Variants in NCK2 observed in about 807,000 individuals in gnomAD.
The protein encoded by NCK2 is NCK adaptor protein 2.
NCK2 carries 16 observed loss-of-function variants against 33.9 expected under a neutral mutation model. The ratio of observed to expected loss-of-function variants is 0.47; its 90% confidence interval spans 0.32 to 0.72. NCK2 has a LOEUF of 0.72. Among genes scored for constraint, NCK2 ranks in the 30% least tolerant of loss-of-function variants. The pLI is 0.03. For synonymous variants in NCK2, 273 were observed against 239.9 expected, an observed-to-expected ratio of 1.14 and a Z score of -1.27; for missense variants, 418 against 537.3, an observed-to-expected ratio of 0.78 and a Z score of 2.19.
intron 4 of NCK2, among the ~76,000 whole-genome samples, chr2:105,891,418 CTAAT>C (rs1329581304): frequency 1.3e-5 from 2 of 151,552 alleles, no homozygotes; most frequent in African/African-American, 2.4e-5. Context: ...GTGTTAGTAA[CTAAT>C]TGTTATTCAT....
At chr2:105,843,175 G>A (rs1024017368) in intron 2 of NCK2, among the ~76,000 whole-genome samples, 4 of 151,996 alleles carry the variant, frequency 2.6e-5, no homozygotes, top group African/African-American at 7.3e-5. Flanking sequence ...AAGTCTAAAT[G>A]CTAAATTTAT....
chr2:105,834,361 G>A (rs781091603), intron 2 of NCK2, among the ~76,000 whole-genome samples: 1 of 152,050 alleles, frequency 6.6e-6, no homozygotes, highest in South Asian at 2.1e-4. Context: ...ATGTCTTTTT[G>A]AATTCACTCC....
At chr2:105,868,377 T>C (rs775238929) in intron 3 of NCK2, among the ~76,000 whole-genome samples, 5 of 152,148 alleles carry the variant, frequency 3.3e-5, no homozygotes, top group Non-Finnish European at 7.4e-5. Flanking sequence ...AGGGCAACTG[T>C]TCATAAGTTA....
chr2:105,891,346 T>C (rs1388847990), intron 4 of NCK2, among the ~76,000 whole-genome samples: 1 of 152,066 alleles, frequency 6.6e-6, no homozygotes, highest in Non-Finnish European at 1.5e-5. Context: ...CCACACCAGA[T>C]TGTCACAGAG....
At chr2:105,819,009 C>T (rs563905608) in intron 2 of NCK2, among the ~76,000 whole-genome samples, 20 of 152,148 alleles carry the variant, frequency 1.3e-4, no homozygotes, top group Non-Finnish European at 2.1e-4. Context: ...TTAGTGTTCT[C>T]GTCGTGTTAC....
intron 2 of NCK2, among the ~76,000 whole-genome samples, chr2:105,819,102 C>G (rs1017348505): frequency 2.6e-5 from 4 of 152,132 alleles, no homozygotes; most frequent in African/African-American, 9.7e-5. Flanking sequence ...GAGCTAGCTC[C>G]TGGTCGGCAG....
At chr2:105,808,820 G>A (rs985584261) in intron 1 of NCK2, among the ~76,000 whole-genome samples, 1 of 152,174 alleles carries the variant, frequency 6.6e-6, no homozygotes, top group African/African-American at 2.4e-5. Context: ...TAAGGAATTG[G>A]TAATGATGTG....
chr2:105,869,819 T>C (rs1487988192), intron 3 of NCK2, among the ~76,000 whole-genome samples: 2 of 152,222 alleles, frequency 1.3e-5, no homozygotes, highest in Non-Finnish European at 2.9e-5. Flanking sequence ...AATTAAAAAT[T>C]ATAATGAAAA....
chr2:105,855,390 T>A, intron 3 of NCK2, 101 bp downstream of exon 3: 5 of 823,942 alleles, frequency 6.1e-6, no homozygotes, highest in Non-Finnish European at 9.4e-6. Flanking sequence ...AAGTCTGTTT[T>A]AAAAGTTAAT....
chr2:105,859,746 G>C (rs933288122), intron 3 of NCK2, among the ~76,000 whole-genome samples: 5 of 152,170 alleles, frequency 3.3e-5, no homozygotes, highest in African/African-American at 1.2e-4. Flanking sequence ...GGATTGTTAC[G>C]TAAGATCCAA....
At chr2:105,829,983 A>C (rs1676104255) in intron 2 of NCK2, among the ~76,000 whole-genome samples, 1 of 152,094 alleles carries the variant, frequency 6.6e-6, no homozygotes, top group Admixed American at 6.5e-5. Context: ...TATTCATTCT[A>C]ATTGTTCCTA....
At chr2:105,809,278 A>G (rs1675204545) in intron 1 of NCK2, among the ~76,000 whole-genome samples, 1 of 152,156 alleles carries the variant, frequency 6.6e-6, no homozygotes, top group Admixed American at 6.5e-5. Context: ...GTCGTGACAC[A>G]TATGTATGGT....
intron 1 of NCK2, among the ~76,000 whole-genome samples, chr2:105,790,534 CTG>C (rs1204461289): frequency 2.6e-5 from 4 of 152,248 alleles, no homozygotes; most frequent in African/African-American, 7.2e-5. Context: ...GGAGCCACCT[CTG>C]GAGCCCTGGT....
At chr2:105,803,409 G>C (rs756619375) in intron 1 of NCK2, among the ~76,000 whole-genome samples, 7 of 152,170 alleles carry the variant, frequency 4.6e-5, no homozygotes, top group Non-Finnish European at 1.0e-4. Flanking sequence ...CCACTTCTGT[G>C]CTGTGCCTTA....
intron 4 of NCK2, among the ~76,000 whole-genome samples, chr2:105,892,279 A>G (rs888284411): frequency 5.9e-5 from 9 of 152,210 alleles, no homozygotes; most frequent in African/African-American, 2.2e-4. Context: ...CCTGCATGCA[A>G]ACCACTCTTA....
intron 3 of NCK2, among the ~76,000 whole-genome samples, chr2:105,880,477 G>A (rs538893757): frequency 2.0e-4 from 30 of 152,320 alleles, no homozygotes; most frequent in African/African-American, 7.0e-4. Context: ...CAGTAGGGCT[G>A]TTATGCTGCC....
intron 1 of NCK2, among the ~76,000 whole-genome samples, chr2:105,779,417 A>T (rs531165314): frequency 1.3e-5 from 2 of 152,332 alleles, no homozygotes; most frequent in African/African-American, 4.8e-5. Flanking sequence ...AATTAACTAA[A>T]GGGGATACTT....
intron 2 of NCK2, among the ~76,000 whole-genome samples, chr2:105,821,589 G>A (rs1442785974): frequency 2.0e-5 from 3 of 152,190 alleles, no homozygotes; most frequent in Non-Finnish European, 4.4e-5. Context: ...CAGCTGCTGG[G>A]AAAACATTGC....
At chr2:105,808,975 A>G (rs906643595) in intron 1 of NCK2, among the ~76,000 whole-genome samples, 1 of 152,220 alleles carries the variant, frequency 6.6e-6, no homozygotes, top group Non-Finnish European at 1.5e-5. Flanking sequence ...ATTGGATGAG[A>G]AAGTATTTTT....
Sources: allele counts gnomAD v4.1 joint callset (sites outside exome capture counted in the v4.1 genomes callset), GRCh38; gene constraint gnomAD v4.1.1; transcripts MANE v1.5; gene names NCBI Gene and HGNC (gene_info 2026-07-23, HGNC 2026-07-21).